Variants in FBXW11 observed in about 807,000 individuals in gnomAD.
The protein encoded by FBXW11 is F-box/WD repeat-containing protein 11.
Under a neutral mutation model 77.6 loss-of-function variants are expected in FBXW11, and 19 were observed. The ratio of observed to expected loss-of-function variants is 0.24; its 90% CI spans 0.17 to 0.36. The LOEUF is 0.36. Ranked by LOEUF, FBXW11 falls within the 10% of genes least tolerant of loss-of-function variation. The probability of loss-of-function intolerance (pLI) is 1.00; values close to 1 mark genes in which losing one functional copy is unlikely to be tolerated. For missense variants in FBXW11, 334 were observed against 704.2 expected (o/e 0.47, Z 5.95); for synonymous variants, 235 against 249.4 (o/e 0.94, Z 0.54).
chr5:172,002,982 C>T (rs1384350301), intron 1 of FBXW11, among the ~76,000 whole-genome samples: 3 of 152,054 alleles, frequency 2.0e-5, no homozygotes, highest in Non-Finnish European at 4.4e-5. Context: ...CTAGAGCCAC[C>T]GCACCTGCCC....
intron 2 of FBXW11, among the ~76,000 whole-genome samples, chr5:171,931,939 A>G (rs902816579): frequency 2.0e-5 from 3 of 147,332 alleles, no homozygotes; most frequent in Non-Finnish European, 3.0e-5. Flanking sequence ...CAGTGATGCA[A>G]TCACCACTCA....
chr5:171,931,840 CCTCCCTCCCTCCCTCCCTCCCTCTCTCT>C (rs1561696276), intron 2 of FBXW11, among the ~76,000 whole-genome samples: 1 of 11,688 alleles, frequency 8.6e-5, no homozygotes, highest in African/African-American at 3.6e-4. Context: ...TCTCTCCCTC[CCTCCCTCCCTCCCTCCCTCCCTCTCTCT>C]CTCTCTCTCT....
At chr5:171,991,488 TG>T (rs1417589939) in intron 1 of FBXW11, among the ~76,000 whole-genome samples, 1 of 152,200 alleles carries the variant, frequency 6.6e-6, no homozygotes, top group Non-Finnish European at 1.5e-5. Context: ...CACGTTGTGA[TG>T]TTAAAAGTGT....
At chr5:171,950,523 T>C (rs1763250478) in intron 2 of FBXW11, among the ~76,000 whole-genome samples, 1 of 152,018 alleles carries the variant, frequency 6.6e-6, no homozygotes, top group African/African-American at 2.4e-5. Flanking sequence ...TATAACATAA[T>C]GTTAAATAAA....
At chr5:171,870,897 C>T (rs770226444) in intron 10 of FBXW11, 39 bp from the exon 11 acceptor site, 2 of 1,380,370 alleles carry the variant, frequency 1.4e-6, no homozygotes, top group African/African-American at 1.4e-5. Context: ...CAAATTCCCA[C>T]ACACGATTCA....
intron 2 of FBXW11, among the ~76,000 whole-genome samples, chr5:171,929,893 T>C (rs1762080654): frequency 6.6e-6 from 1 of 151,802 alleles, no homozygotes; most frequent in Non-Finnish European, 1.5e-5. Context: ...ATAAAAGTGA[T>C]GGGATATTAG....
At chr5:171,877,159 G>A (rs1487641623) in intron 8 of FBXW11, among the ~76,000 whole-genome samples, 1 of 152,192 alleles carries the variant, frequency 6.6e-6, no homozygotes, top group African/African-American at 2.4e-5. Flanking sequence ...CTCTGCCTGA[G>A]TTTAGGTATA....
intron 1 of FBXW11, among the ~76,000 whole-genome samples, chr5:171,984,150 TAAG>T (rs954868698): frequency 1.6e-4 from 24 of 152,254 alleles, no homozygotes; most frequent in African/African-American, 5.5e-4. Flanking sequence ...AAAAGGCCTT[TAAG>T]AAGAGAGTTC....
intron 1 of FBXW11, among the ~76,000 whole-genome samples, chr5:171,997,301 C>T (rs759974569): frequency 1.3e-5 from 2 of 152,178 alleles, no homozygotes; most frequent in Non-Finnish European, 2.9e-5. Context: ...TGATAAACAG[C>T]ATGCAACTTC....
chr5:171,892,723 C>T (rs1447608987), intron 6 of FBXW11, among the ~76,000 whole-genome samples: 1 of 152,130 alleles, frequency 6.6e-6, no homozygotes, highest in Non-Finnish European at 1.5e-5. Flanking sequence ...TTTTAAGGCT[C>T]AAAAGATACA....
intron 13 of FBXW11, chr5:171,867,907 C>G (rs1244825622): frequency 6.6e-6 from 1 of 152,170 alleles, no homozygotes; most frequent in Non-Finnish European, 1.5e-5. Flanking sequence ...CTCAGCAGAA[C>G]ACAGAGTTGT....
At chr5:171,917,321 A>C (rs1233853721) in intron 2 of FBXW11, among the ~76,000 whole-genome samples, 2 of 151,992 alleles carry the variant, frequency 1.3e-5, no homozygotes, top group Non-Finnish European at 2.9e-5. Context: ...TCTTTACTTA[A>C]GATGGAAACA....
chr5:171,921,581 C>A (rs1016875373), intron 2 of FBXW11, among the ~76,000 whole-genome samples: 7 of 151,884 alleles, frequency 4.6e-5, no homozygotes, highest in African/African-American at 1.5e-4. Flanking sequence ...TGAGAAGATC[C>A]CCTACACACA....
intron 1 of FBXW11, among the ~76,000 whole-genome samples, chr5:171,966,864 G>C (rs1357396150): frequency 6.6e-6 from 1 of 152,114 alleles, no homozygotes; most frequent in African/African-American, 2.4e-5. Flanking sequence ...GTACCCTATG[G>C]CTATACCGTA....
intron 1 of FBXW11, among the ~76,000 whole-genome samples, chr5:171,993,612 C>CA (rs202048035): frequency 0.014 from 2,035 of 148,398 alleles, 51 homozygotes; most frequent in African/African-American, 0.046. Context: ...GACTCTGTCT[C>CA]AAAAAAAAAG....
intron 2 of FBXW11, among the ~76,000 whole-genome samples, chr5:171,931,078 A>C (rs1040969299): frequency 2.6e-5 from 4 of 152,268 alleles, no homozygotes; most frequent in Non-Finnish European, 4.4e-5. Context: ...AGATTCAATA[A>C]GGTCAAGACA....
At chr5:171,913,807 C>A (rs1372211984) in intron 3 of FBXW11, among the ~76,000 whole-genome samples, 2 of 97,864 alleles carry the variant, frequency 2.0e-5, no homozygotes, top group Admixed American at 1.1e-4. Flanking sequence ...AAACCCCCAA[C>A]CACACACACA....
intron 7 of FBXW11, among the ~76,000 whole-genome samples, chr5:171,880,896 A>G (rs768785246): frequency 6.6e-6 from 1 of 152,110 alleles, no homozygotes; most frequent in Non-Finnish European, 1.5e-5. Context: ...GAGTTTCACC[A>G]TGTTGGCCAG....
chr5:171,932,591 T>C (rs1043888686), intron 2 of FBXW11, among the ~76,000 whole-genome samples: 7 of 152,154 alleles, frequency 4.6e-5, no homozygotes, highest in African/African-American at 1.7e-4. Flanking sequence ...CACATTTTTG[T>C]AACTATATTC....
Sources: allele counts gnomAD v4.1 joint callset (sites outside exome capture counted in the v4.1 genomes callset), GRCh38; gene constraint gnomAD v4.1.1; transcripts MANE v1.5; gene names NCBI Gene and HGNC (gene_info 2026-07-23, HGNC 2026-07-21).